The following GALNTL6 variants were observed in gnomAD, a reference collection of about 807,000 sequenced individuals.
GALNTL6 encodes polypeptide N-acetylgalactosaminyltransferase-like 6.
In GALNTL6, 46 loss-of-function variants were observed where a neutral mutation model predicts 73.7. That is an observed-to-expected ratio of 0.62 (90% CI 0.49 to 0.80). GALNTL6 has a LOEUF of 0.80. GALNTL6 is among the 30% of genes least tolerant of loss of function. The pLI is 0.00. For synonymous variants in GALNTL6, 259 were observed against 263.7 expected (o/e 0.98, Z 0.17); for missense variants, 604 against 755.0 (o/e 0.80, Z 2.34).
chr4:172,087,444 C>CTAAA (rs1732077907), intron 2 of GALNTL6, among the ~76,000 whole-genome samples: 2 of 100,536 alleles, frequency 2.0e-5, no homozygotes, highest in African/African-American at 4.2e-5. Context: ...GACTCCATCC[C>CTAAA]AAAAAAAAAA....
intron 7 of GALNTL6, among the ~76,000 whole-genome samples, chr4:172,837,565 A>G (rs1160534847): frequency 6.6e-6 from 1 of 152,262 alleles, no homozygotes. Context: ...AATATTTGTT[A>G]GGTGGTAAAT....
intron 5 of GALNTL6, among the ~76,000 whole-genome samples, chr4:172,569,445 T>C (rs997893168): frequency 1.3e-5 from 2 of 152,136 alleles, no homozygotes; most frequent in African/African-American, 4.8e-5. Flanking sequence ...GTAGCAGGCC[T>C]CCTCAAAGCC....
At chr4:171,998,242 C>A (rs1425780619) in intron 2 of GALNTL6, among the ~76,000 whole-genome samples, 8 of 152,074 alleles carry the variant, frequency 5.3e-5, no homozygotes, top group Admixed American at 5.2e-4. Context: ...CAAAACAGAA[C>A]CAACAGAATG....
intron 2 of GALNTL6, among the ~76,000 whole-genome samples, chr4:171,843,422 C>G (rs946247567): frequency 6.6e-6 from 1 of 152,024 alleles, no homozygotes; most frequent in Non-Finnish European, 1.5e-5. Context: ...TAAAAGATTA[C>G]TGACATTCTT....
intron 5 of GALNTL6, among the ~76,000 whole-genome samples, chr4:172,731,550 C>A (rs993181408): frequency 4.0e-5 from 6 of 151,814 alleles, no homozygotes; most frequent in African/African-American, 1.5e-4. Flanking sequence ...TCATTTATTT[C>A]TGCTCTGATC....
intron 2 of GALNTL6, among the ~76,000 whole-genome samples, chr4:171,933,017 C>G (rs1164476161): frequency 6.6e-6 from 1 of 152,106 alleles, no homozygotes; most frequent in Non-Finnish European, 1.5e-5. Context: ...CATTCATAGA[C>G]TTATGAATTA....
At chr4:172,786,369 T>C (rs1739654378) in intron 5 of GALNTL6, among the ~76,000 whole-genome samples, 2 of 152,236 alleles carry the variant, frequency 1.3e-5, no homozygotes, top group Non-Finnish European at 2.9e-5. Flanking sequence ...ACTCACTTTG[T>C]AGTGTAGTGA....
chr4:172,715,772 T>A (rs144102631), intron 5 of GALNTL6, among the ~76,000 whole-genome samples: 309 of 152,308 alleles, frequency 2.0e-3, no homozygotes, highest in Non-Finnish European at 3.3e-3. Context: ...TTAGATCCAT[T>A]TTCAGTGACA....
chr4:172,062,382 C>T (rs569725137), intron 2 of GALNTL6, among the ~76,000 whole-genome samples: 1 of 152,286 alleles, frequency 6.6e-6, no homozygotes, highest in East Asian at 1.9e-4. Context: ...AATACCAACT[C>T]ACCAATTTTA....
intron 5 of GALNTL6, among the ~76,000 whole-genome samples, chr4:172,756,363 G>A (rs1373541111): frequency 1.3e-5 from 2 of 152,176 alleles, no homozygotes; most frequent in Non-Finnish European, 2.9e-5. Context: ...TAAGATGGGG[G>A]CTGGGCGCTG....
intron 5 of GALNTL6, among the ~76,000 whole-genome samples, chr4:172,480,549 G>T (rs1218830469): frequency 6.6e-6 from 1 of 152,192 alleles, no homozygotes; most frequent in Non-Finnish European, 1.5e-5. Flanking sequence ...AAAAAGGGAT[G>T]AGTGAAATAG....
At chr4:172,338,600 G>T (rs918222218) in intron 4 of GALNTL6, among the ~76,000 whole-genome samples, 11 of 152,150 alleles carry the variant, frequency 7.2e-5, no homozygotes, top group African/African-American at 2.7e-4. Context: ...CGGGCCAGTA[G>T]ATATCACTTC....
chr4:172,175,233 T>C (rs1734954011), intron 2 of GALNTL6, among the ~76,000 whole-genome samples: 1 of 152,090 alleles, frequency 6.6e-6, no homozygotes, highest in Middle Eastern at 3.2e-3. Flanking sequence ...TGCACCACCA[T>C]ACCTGGCTAA....
At chr4:171,852,351 A>G (rs116360937) in intron 2 of GALNTL6, among the ~76,000 whole-genome samples, 207 of 152,322 alleles carry the variant, frequency 1.4e-3, no homozygotes, top group African/African-American at 4.4e-3. Flanking sequence ...GACCACAGGA[A>G]GAAAATGTGT....
intron 10 of GALNTL6, among the ~76,000 whole-genome samples, chr4:172,974,215 T>C (rs1181891003): frequency 1.3e-5 from 2 of 152,196 alleles, no homozygotes; most frequent in African/African-American, 4.8e-5. Context: ...TCAAAGTTTA[T>C]ATTTAGGATA....
chr4:172,651,903 G>A (rs1363204167), intron 5 of GALNTL6, among the ~76,000 whole-genome samples: 1 of 152,088 alleles, frequency 6.6e-6, no homozygotes, highest in Admixed American at 6.5e-5. Context: ...CTGCAACTCC[G>A]AATTCATACC....
chr4:171,902,905 T>A, intron 2 of GALNTL6, among the ~76,000 whole-genome samples: 1 of 152,294 alleles, frequency 6.6e-6, no homozygotes, highest in South Asian at 2.1e-4. Flanking sequence ...TCAATATAGT[T>A]ACTGGTATTG....
intron 5 of GALNTL6, among the ~76,000 whole-genome samples, chr4:172,445,615 T>A (rs991419032): frequency 6.6e-6 from 1 of 152,154 alleles, no homozygotes; most frequent in Admixed American, 6.6e-5. Context: ...ATTTGGAAGA[T>A]CAACTTATTA....
intron 10 of GALNTL6, among the ~76,000 whole-genome samples, chr4:172,963,151 C>T (rs1750162659): frequency 6.6e-6 from 1 of 152,160 alleles, no homozygotes; most frequent in African/African-American, 2.4e-5. Context: ...TTCACACAGG[C>T]CAGGTCAGTC....
Sources: allele counts gnomAD v4.1 joint callset (sites outside exome capture counted in the v4.1 genomes callset), GRCh38; gene constraint gnomAD v4.1.1; transcripts MANE v1.5; gene names NCBI Gene and HGNC (gene_info 2026-07-23, HGNC 2026-07-21).